SLC39A11: variants seen among roughly 807,000 people sequenced by gnomAD.
SLC39A11 encodes zinc transporter ZIP11.
SLC39A11 carries 33 observed loss-of-function variants against 36.1 expected under a neutral mutation model. The observed-to-expected ratio is 0.91, with a 90% CI of 0.69 to 1.22. The LOEUF (loss-of-function observed/expected upper bound fraction) is 1.22, where lower values mean the gene tolerates loss of function less well. Ranked by LOEUF, SLC39A11 falls within the 50% of genes most tolerant of loss-of-function variation. The pLI is 0.00. For synonymous variants in SLC39A11, 166 were observed against 170.3 expected (o/e 0.97, Z 0.20); for missense variants, 432 against 430.3 (o/e 1.00, Z -0.03).
At chr17:72,680,542 A>G (rs928862290) in intron 7 of SLC39A11, among the ~76,000 whole-genome samples, 5 of 152,222 alleles carry the variant, frequency 3.3e-5, no homozygotes, top group Non-Finnish European at 2.9e-5. Context: ...CTGCCATGTA[A>G]GACATGATTT....
chr17:72,906,076 C>T (rs1567925977), intron 5 of SLC39A11, among the ~76,000 whole-genome samples: 2 of 152,306 alleles, frequency 1.3e-5, no homozygotes, highest in South Asian at 2.1e-4. Flanking sequence ...ACTCTTGACG[C>T]TCTTTTGGGT....
chr17:72,888,556 T>C (rs562206120), intron 5 of SLC39A11, among the ~76,000 whole-genome samples: 42 of 152,292 alleles, frequency 2.8e-4, no homozygotes, highest in African/African-American at 9.9e-4. Context: ...CAGAGTCCCA[T>C]GCAACAACAT....
At chr17:72,920,569 A>T (rs1326839895) in intron 5 of SLC39A11, among the ~76,000 whole-genome samples, 1 of 150,950 alleles carries the variant, frequency 6.6e-6, no homozygotes, top group Non-Finnish European at 1.5e-5. Context: ...ACAACACTTA[A>T]ACCCCATACA....
Position 72,980,144 on chromosome 17 carries a change from C to G in SLC39A11, c.307-32269G>C, listed in dbSNP as rs377243067. 7.2e-5 allele frequency among the ~76,000 whole-genome samples: 11 copies of G among 152,068 alleles called. No homozygotes were observed. The East Asian group carries it at 1.2e-3, about 16-fold the overall frequency. ...GATATTACTGTACATGTACAAATCTCAAAGAATCATCTAAAGAACGATTAT... is the reference window on the plus strand; with the variant it reads ...GATATTACTGTACATGTACAAATCTGAAAGAATCATCTAAAGAACGATTAT... On this transcript the variant is annotated intron_variant, in intron 4 of 9. Transcript: ENST00000255559.
chr17:72,831,181 A>C (rs570747905), intron 6 of SLC39A11, among the ~76,000 whole-genome samples: 1 of 152,172 alleles, frequency 6.6e-6, no homozygotes, highest in East Asian at 1.9e-4. Context: ...AACATCTCTG[A>C]GACAGAAAGA....
chr17:72,775,782 C>T (rs370881398), intron 6 of SLC39A11, among the ~76,000 whole-genome samples: 22 of 152,266 alleles, frequency 1.4e-4, no homozygotes, highest in African/African-American at 3.6e-4. Context: ...TGGGGTCCAG[C>T]GATTGAAGAA....
chr17:72,787,254 T>TTC (rs2076549759), intron 6 of SLC39A11, among the ~76,000 whole-genome samples: 1 of 17,160 alleles, frequency 5.8e-5, no homozygotes, highest in African/African-American at 2.8e-4. Flanking sequence ...AACCCATGGC[T>TTC]TTTTTTTTTT....
At chr17:73,057,985 A>G (rs1476508024) in intron 3 of SLC39A11, among the ~76,000 whole-genome samples, 1 of 142,732 alleles carries the variant, frequency 7.0e-6, no homozygotes, top group African/African-American at 2.6e-5. Context: ...ATCTTTAGTT[A>G]TTTTAGTTAT....
chr17:72,828,280 AAGGGTCCTT>A (rs1342739954), intron 6 of SLC39A11, among the ~76,000 whole-genome samples: 1 of 152,224 alleles, frequency 6.6e-6, no homozygotes, highest in Non-Finnish European at 1.5e-5. Flanking sequence ...CTGTAATCAT[AAGGGTCCTT>A]AAAATGAAAA....
At chr17:72,909,249 C>A (rs557338176) in intron 5 of SLC39A11, among the ~76,000 whole-genome samples, 1 of 152,132 alleles carries the variant, frequency 6.6e-6, no homozygotes, top group Non-Finnish European at 1.5e-5. Context: ...AGATTACAGG[C>A]GTCAGCCATT....
At chr17:72,764,485 G>T (rs1271786935) in intron 6 of SLC39A11, among the ~76,000 whole-genome samples, 1 of 152,116 alleles carries the variant, frequency 6.6e-6, no homozygotes, top group African/African-American at 2.4e-5. Context: ...ATTGGTTAGG[G>T]GCACTGGGTC....
intron 4 of SLC39A11, 71 bp downstream of exon 4, chr17:73,031,485 A>G: frequency 6.5e-7 from 1 of 1,543,538 alleles, no homozygotes; most frequent in Non-Finnish European, 8.9e-7. Context: ...GTCAGGTTTG[A>G]TCAGAAATAA....
intron 5 of SLC39A11, among the ~76,000 whole-genome samples, chr17:72,891,440 A>T (rs1438249731): frequency 1.3e-5 from 2 of 152,108 alleles, no homozygotes; most frequent in East Asian, 3.9e-4. Context: ...ACTTGGAAGG[A>T]CCTGAAGAAA....
At chr17:72,799,892 C>T (rs552790317) in intron 6 of SLC39A11, among the ~76,000 whole-genome samples, 1 of 151,820 alleles carries the variant, frequency 6.6e-6, no homozygotes, top group Non-Finnish European at 1.5e-5. Flanking sequence ...ATCTTTGTAC[C>T]TACTCTCTGT....
In SLC39A11 at chr17:72,857,940, T is replaced by C. The variant is rs1440829611; in HGVS notation, c.431-8136A>G. On this transcript the variant is annotated intron_variant, in intron 5 of 9. Coordinates refer to ENST00000255559, the MANE Select transcript of SLC39A11 (RefSeq NM_139177.4). Reference sequence around the variant, plus strand: ...TTCTGTAGGTTGTCTGTTTACTCTGTTGATAGTTTCTTTTGCTGTGTAGAA... The same window carrying C: ...TTCTGTAGGTTGTCTGTTTACTCTGCTGATAGTTTCTTTTGCTGTGTAGAA... Among the ~76,000 whole-genome samples the C allele has an allele frequency of 2.6e-5, 4 of 152,232 alleles. No homozygotes were observed. The East Asian group carries it at 5.8e-4, about 22-fold the overall frequency.
chr17:72,769,096 T>A lies in SLC39A11; in HGVS notation c.602-32377A>T, dbSNP rs539971283. ...TTTTAGATCACATTTAACAAACGACTTCCCCCAGGCCACCCTTCTCTGCTC... is the reference window on the plus strand; with the variant it reads ...TTTTAGATCACATTTAACAAACGACATCCCCCAGGCCACCCTTCTCTGCTC... On this transcript the variant is annotated intron_variant, in intron 6 of 9. Coordinates refer to ENST00000255559, the MANE Select transcript of SLC39A11 (RefSeq NM_139177.4). 4.6e-5 allele frequency among the ~76,000 whole-genome samples: 7 copies of A among 152,254 alleles called. No homozygotes were observed. In the East Asian group the frequency reaches 1.4e-3, roughly 30 times the overall value.
At chr17:72,976,860 G>GA (rs1280986491) in intron 4 of SLC39A11, among the ~76,000 whole-genome samples, 2 of 151,250 alleles carry the variant, frequency 1.3e-5, no homozygotes, top group African/African-American at 4.9e-5. Context: ...AAAAAAAAAA[G>GA]AAAAAAGAAA....
chr17:72,893,667 G>A (rs2081878932), intron 5 of SLC39A11, among the ~76,000 whole-genome samples: 1 of 152,040 alleles, frequency 6.6e-6, no homozygotes, highest in African/African-American at 2.4e-5. Flanking sequence ...GCCTTAATTT[G>A]CTATCAAAAC....
intron 5 of SLC39A11, among the ~76,000 whole-genome samples, chr17:72,895,181 G>A (rs906687409): frequency 1.3e-5 from 2 of 152,204 alleles, no homozygotes; most frequent in Non-Finnish European, 2.9e-5. Flanking sequence ...GGCAGGGAAG[G>A]CTGGGAGGCA....
Sources: gnomAD v4.1 joint callset for allele counts (sites outside exome capture counted in the v4.1 genomes callset) on GRCh38, gnomAD v4.1.1 for gene constraint, MANE v1.5 for transcripts, NCBI Gene and HGNC (gene_info 2026-07-23, HGNC 2026-07-21) for gene names.